The following PTPRT variants were observed in gnomAD, a reference collection of about 807,000 sequenced individuals.
The protein encoded by PTPRT is protein tyrosine phosphatase receptor type T, also known as receptor-type tyrosine-protein phosphatase T.
A neutral mutation model predicts 176.8 loss-of-function variants in PTPRT; 56 were observed. The ratio of observed to expected loss-of-function variants is 0.32; its 90% CI spans 0.26 to 0.40. PTPRT has a LOEUF of 0.40. Ranked by LOEUF, PTPRT falls within the 10% of genes least tolerant of loss-of-function variation. The pLI is 1.00. For synonymous variants in PTPRT, 783 were observed against 739.0 expected, an observed-to-expected ratio of 1.06 and a Z score of -0.96; for missense variants, 1,540 against 1,908.2, an observed-to-expected ratio of 0.81 and a Z score of 3.60.
At chr20:42,251,157 A>G (rs1328651212) in intron 13 of PTPRT, among the ~76,000 whole-genome samples, 1 of 152,116 alleles carries the variant, frequency 6.6e-6, no homozygotes, top group African/African-American at 2.4e-5. Context: ...TTTTATTTAG[A>G]TTTGGAGGAA....
chr20:42,800,433 T>C (rs1261428133), intron 2 of PTPRT, among the ~76,000 whole-genome samples: 1 of 152,174 alleles, frequency 6.6e-6, no homozygotes, highest in Non-Finnish European at 1.5e-5. Context: ...GCTGCCATAT[T>C]AAGAGTAAAG....
At chr20:43,103,892 C>T (rs562832481) in intron 1 of PTPRT, among the ~76,000 whole-genome samples, 1 of 152,128 alleles carries the variant, frequency 6.6e-6, no homozygotes, top group African/African-American at 2.4e-5. Context: ...TAACATCTAC[C>T]GCAATAAGAT....
At chr20:42,783,307 T>C (rs2077240568) in intron 3 of PTPRT, among the ~76,000 whole-genome samples, 3 of 152,154 alleles carry the variant, frequency 2.0e-5, no homozygotes, top group African/African-American at 7.2e-5. Context: ...GAGAATAATA[T>C]TTGTAATACC....
At chr20:42,772,961 T>C (rs2077084524) in intron 4 of PTPRT, among the ~76,000 whole-genome samples, 1 of 152,224 alleles carries the variant, frequency 6.6e-6, no homozygotes, top group Non-Finnish European at 1.5e-5. Context: ...TGCTGAAAGC[T>C]ACACAGCGCT....
chr20:43,094,443 G>C (rs2012037463), intron 1 of PTPRT, among the ~76,000 whole-genome samples: 1 of 112,078 alleles, frequency 8.9e-6, no homozygotes, highest in Admixed American at 1.2e-4. Context: ...TTGTTGCACA[G>C]GCTGGAGTGT....
intron 2 of PTPRT, among the ~76,000 whole-genome samples, chr20:42,795,533 C>T (rs1183124061): frequency 1.3e-5 from 2 of 152,212 alleles, no homozygotes; most frequent in African/African-American, 2.4e-5. Context: ...ATTAAGATTA[C>T]ATGAGTGTGC....
chr20:42,608,544 T>G (rs2073921589), intron 7 of PTPRT, among the ~76,000 whole-genome samples: 1 of 152,210 alleles, frequency 6.6e-6, no homozygotes, highest in African/African-American at 2.4e-5. Flanking sequence ...CCAGCAGAGA[T>G]GGCGTGCTTT....
At chr20:42,464,505 C>T (rs1193742401) in intron 8 of PTPRT, among the ~76,000 whole-genome samples, 3 of 152,152 alleles carry the variant, frequency 2.0e-5, no homozygotes, top group African/African-American at 7.2e-5. Flanking sequence ...ACAACTGTAT[C>T]GATAGCATCT....
chr20:42,778,068 C>G (rs754622259), intron 4 of PTPRT, among the ~76,000 whole-genome samples: 1 of 152,158 alleles, frequency 6.6e-6, no homozygotes, highest in Non-Finnish European at 1.5e-5. Flanking sequence ...ACCATGCCAC[C>G]CACACCCCTC....
chr20:42,904,213 T>C lies in PTPRT; in HGVS notation c.89-18281A>G, dbSNP rs75827907. Among the ~76,000 whole-genome samples the C allele has an allele frequency of 3.4e-4, 52 of 152,276 alleles. No individual in the cohort carries two copies. In the East Asian group the frequency reaches 9.5e-3, roughly 28 times the overall value. ...TTTTTTTTAATCTGCAAAGGACCAA[T>C]GCAGATGATCCTATGAGAGCAGCCT... On this transcript the variant is annotated intron_variant, in intron 1 of 30. Coordinates refer to ENST00000373187, the MANE Select transcript of PTPRT (RefSeq NM_007050.6).
intron 1 of PTPRT, among the ~76,000 whole-genome samples, chr20:43,123,745 T>C (rs1187716824): frequency 6.6e-6 from 1 of 152,194 alleles, no homozygotes; most frequent in African/African-American, 2.4e-5. Flanking sequence ...CTGGACATTA[T>C]CCTAACTAGT....
Position 42,865,445 on chromosome 20 carries a change from A to G in PTPRT, c.214+20362T>C, listed in dbSNP as rs139949588. Among the ~76,000 whole-genome samples, 753 of 152,294 alleles carry G rather than the reference A, an allele frequency of 4.9e-3. 6 individuals are homozygous for G. The highest frequency in any genetic ancestry group is 8.4e-3 in the Non-Finnish European group (574 of 68,014). On this transcript the variant is annotated intron_variant, in intron 2 of 30. Coordinates refer to ENST00000373187, the MANE Select transcript of PTPRT (RefSeq NM_007050.6). ...ACTCATCCCCTAACTCACTTATTCA[A>G]TATTCATTGAGGGCATTCTGGTGCC...
At chr20:43,072,325 T>G (rs1363716167) in intron 1 of PTPRT, among the ~76,000 whole-genome samples, 1 of 152,220 alleles carries the variant, frequency 6.6e-6, no homozygotes, top group African/African-American at 2.4e-5. Flanking sequence ...TCCTAAGGCC[T>G]GAAGCCTGCA....
intron 9 of PTPRT, among the ~76,000 whole-genome samples, chr20:42,380,534 C>T (rs551752659): frequency 1.3e-5 from 2 of 152,304 alleles, no homozygotes; most frequent in East Asian, 3.9e-4. Context: ...TGTCTCCCTC[C>T]CAGACATTGG....
intron 1 of PTPRT, among the ~76,000 whole-genome samples, chr20:43,051,646 A>AAAAAC (rs1600675787): frequency 6.7e-6 from 1 of 149,924 alleles, no homozygotes; most frequent in East Asian, 1.9e-4. Context: ...AAAAAAAAAA[A>AAAAAC]AAATCTACAT....
At chr20:42,244,942 G>T (rs2056422518) in intron 14 of PTPRT, among the ~76,000 whole-genome samples, 1 of 152,288 alleles carries the variant, frequency 6.6e-6, no homozygotes, top group East Asian at 1.9e-4. Flanking sequence ...GCTGGTTTTG[G>T]AGGAGTGGGG....
chr20:42,436,342 T>C (rs1339258073), intron 9 of PTPRT, among the ~76,000 whole-genome samples: 1 of 152,172 alleles, frequency 6.6e-6, no homozygotes, highest in Non-Finnish European at 1.5e-5. Flanking sequence ...CAAAAGTATA[T>C]TATAAAACTA....
chr20:42,392,794 G>T (rs964334269), intron 9 of PTPRT, among the ~76,000 whole-genome samples: 25 of 152,134 alleles, frequency 1.6e-4, no homozygotes, highest in Non-Finnish European at 2.9e-4. Flanking sequence ...GGTGGTGCAG[G>T]GAAGAAAAGA....
chr20:42,668,499 G>T (rs1201441111), intron 7 of PTPRT, among the ~76,000 whole-genome samples: 2 of 152,172 alleles, frequency 1.3e-5, no homozygotes, highest in Non-Finnish European at 2.9e-5. Context: ...GTTAGGGGAA[G>T]TGAGTCTCTG....
Sources: gnomAD v4.1 joint callset for allele counts (sites outside exome capture counted in the v4.1 genomes callset) on GRCh38, gnomAD v4.1.1 for gene constraint, MANE v1.5 for transcripts, NCBI Gene and HGNC (gene_info 2026-07-23, HGNC 2026-07-21) for gene names.